Variants in ABCE1 observed in about 807,000 individuals in gnomAD.
ABCE1 encodes the protein ATP-binding cassette sub-family E member 1.
Under a neutral mutation model 83.4 loss-of-function variants are expected in ABCE1, and 22 were observed. The ratio of observed to expected loss-of-function variants is 0.26; its 90% CI spans 0.19 to 0.38. The LOEUF is 0.38. Ranked by LOEUF, ABCE1 falls within the 10% of genes least tolerant of loss-of-function variation. The pLI, the probability that ABCE1 is intolerant of heterozygous loss-of-function variation, is 1.00. For synonymous variants in ABCE1, 204 were observed against 233.7 expected (o/e 0.87, Z 1.16); for missense variants, 330 against 721.9 (o/e 0.46, Z 6.22).
intron 15 of ABCE1, 35 bp downstream of exon 15, chr4:145,123,392 G>A (rs1024031672): frequency 2.5e-6 from 4 of 1,596,876 alleles, no homozygotes; most frequent in Non-Finnish European, 3.4e-6. Flanking sequence ...TTTTGATTAT[G>A]TATACTGTCC....
chr4:145,121,706 T>C, intron 13 of ABCE1: 1 of 220,618 alleles, frequency 4.5e-6, no homozygotes, highest in Non-Finnish European at 9.1e-6. Context: ...ACCCTGTCTC[T>C]ACTAAAACTA....
At chr4:145,116,980 A>C (rs1749624919) in intron 9 of ABCE1, among the ~76,000 whole-genome samples, 1 of 151,956 alleles carries the variant, frequency 6.6e-6, no homozygotes, top group South Asian at 2.1e-4. Flanking sequence ...CATAATAAAC[A>C]GTTTAGGCTA....
rs147777362 is a variant in ABCE1, at chr4:145,117,639, A to G, written c.922+225A>G. On this transcript the variant is annotated intron_variant, in intron 10 of 17. Transcript: ENST00000296577. ...TCTCCTGGGGATGGGTAGAAATGCAATGTTACTTTTGTTGGGGGTTGGGAG... is the reference window on the plus strand; with the variant it reads ...TCTCCTGGGGATGGGTAGAAATGCAGTGTTACTTTTGTTGGGGGTTGGGAG... Among the ~76,000 whole-genome samples the G allele has an allele frequency of 2.4e-3, 362 of 151,792 alleles. 3 individuals carry two copies. Among genetic ancestry groups the G allele is most frequent in the African/African-American group, 7.8e-3 (322 of 41,512 alleles).
At chr4:145,123,732 T>C (rs1749803110) in intron 16 of ABCE1, 132 bp downstream of exon 16, 4 of 908,146 alleles carry the variant, frequency 4.4e-6, no homozygotes, top group African/African-American at 3.4e-5. Context: ...CCTGAGATCA[T>C]TGGTATTGGG....
At chr4:145,124,961 A>G (rs1749839084) in intron 16 of ABCE1, 29 bp from the exon 17 acceptor site, 12 of 1,498,928 alleles carry the variant, frequency 8.0e-6, no homozygotes, top group Non-Finnish European at 1.0e-5. Flanking sequence ...GTAAAATTTA[A>G]TCAAAATTGA....
Position 145,112,386 on chromosome 4 carries a change from CTAAGGAT to C in ABCE1, c.800+62_800+68del. The C allele has an allele frequency of 4.9e-6, 6 of 1,218,624 alleles. No individual in the cohort carries two copies. In the South Asian group the frequency reaches 8.4e-5, roughly 17 times the overall value. The allele number at this position is 1,218,624 out of a possible 1,614,324, so 75.5% of individuals were successfully genotyped here. On this transcript the variant is annotated intron_variant, in intron 9 of 17. Coordinates refer to ENST00000296577, the MANE Select transcript of ABCE1 (RefSeq NM_002940.3). ...TTTGTTTGGAGATTTTTACAGATTT[CTAAGGAT>C]TAAACACTGGGACTGTCAATGTGAT...
rs1749944618 is a variant in ABCE1, at chr4:145,128,168, TG to T, written c.*597del. ...TTTTTAAATTGTTTTTAATCTTTTT[TG>T]GTGCTTTTAAACATGTTTAGCAAAA... is the stretch of plus-strand genomic sequence containing the variant. On this transcript the variant is annotated 3_prime_UTR_variant, in exon 18 of 18. Transcript: ENST00000296577. 6.6e-6 allele frequency: 1 copy of T among 152,642 alleles called. No individual in the cohort carries two copies. Among genetic ancestry groups the T allele is most frequent in the Admixed American group, 6.5e-5 (1 of 15,286 alleles). The allele number at this position is 152,642 out of a possible 1,614,324, so 9.5% of individuals were successfully genotyped here. A position where few individuals can be genotyped will look rare whatever the true frequency, so the allele number is the denominator to read the frequency against.
rs1579201904 is a variant in ABCE1 at position 145,098,366 on chromosome 4, C to G, written c.-81C>G. Reference sequence around the variant, plus strand: ...ACGCTGTGTGGCTGAAAAGTGAAGGCAAGAGCTGATTTGGCCTCTGTGCTC... The same window carrying G: ...ACGCTGTGTGGCTGAAAAGTGAAGGGAAGAGCTGATTTGGCCTCTGTGCTC... On this transcript the variant is annotated 5_prime_UTR_variant, in exon 1 of 18. Transcript: ENST00000296577. The G allele has an allele frequency of 6.6e-6, 1 of 152,492 alleles. No homozygotes were observed. Among genetic ancestry groups the G allele is most frequent in the South Asian group, 2.1e-4 (1 of 4,844 alleles). 9.4% of individuals were successfully genotyped at this position (152,492 alleles called of 1,614,324 possible).
At position 145,127,580 on chromosome 4, in the gene ABCE1, T is replaced by A; in HGVS notation, c.*7T>A. On this transcript the variant is annotated 3_prime_UTR_variant, in exon 18 of 18. Coordinates refer to ENST00000296577, the MANE Select transcript of ABCE1 (RefSeq NM_002940.3). ...CTTTTTCTTGGATGATTAGACTGAC[T>A]CTGAGAATATTGATAAGCCATTTAT... 1 of 1,549,590 alleles carries A rather than the reference T, an allele frequency of 6.5e-7. No homozygotes were observed. The highest frequency in any genetic ancestry group is 8.6e-7 in the Non-Finnish European group (1 of 1,157,174).
intron 4 of ABCE1, among the ~76,000 whole-genome samples, chr4:145,108,738 C>T (rs1047241896): frequency 6.6e-6 from 1 of 152,160 alleles, no homozygotes; most frequent in African/African-American, 2.4e-5. Flanking sequence ...AAGTAAATGG[C>T]AGGCCAGAAA....
chr4:145,119,842 TTAAAGTATA>T, intron 10 of ABCE1, 81 bp from the exon 11 acceptor site: 1 of 871,086 alleles, frequency 1.1e-6, no homozygotes, highest in East Asian at 2.8e-5. Flanking sequence ...CCACAGAAAT[TTAAAGTATA>T]TAGTCTATAG....
intron 9 of ABCE1, 83 bp downstream of exon 9, chr4:145,112,411 A>G: frequency 1.1e-6 from 1 of 915,354 alleles, no homozygotes; most frequent in Admixed American, 3.0e-5. Context: ...TGGGACTGTC[A>G]ATGTGATGTA....
intron 1 of ABCE1, among the ~76,000 whole-genome samples, chr4:145,100,646 A>G (rs543950085): frequency 1.2e-4 from 19 of 152,342 alleles, no homozygotes; most frequent in African/African-American, 4.6e-4. Context: ...TTCCTCTTCT[A>G]ATCTTTACAA....
At chr4:145,119,322 T>A (rs1456858320) in intron 10 of ABCE1, among the ~76,000 whole-genome samples, 1 of 151,922 alleles carries the variant, frequency 6.6e-6, no homozygotes, top group Non-Finnish European at 1.5e-5. Context: ...ATCTTAAAAT[T>A]TTATTACAGA....
At chr4:145,107,416 A>G (rs1337089646) in intron 3 of ABCE1, among the ~76,000 whole-genome samples, 1 of 152,154 alleles carries the variant, frequency 6.6e-6, no homozygotes, top group Non-Finnish European at 1.5e-5. Flanking sequence ...AAGAATATAA[A>G]GCCATATATT....
intron 1 of ABCE1, among the ~76,000 whole-genome samples, chr4:145,102,877 T>C (rs35885021): frequency 6.6e-6 from 1 of 152,248 alleles, no homozygotes; most frequent in Non-Finnish European, 1.5e-5. Flanking sequence ...TGATAAGGTC[T>C]AGGATGTAAC....
chr4:145,121,631 C>T (rs1749746714), intron 13 of ABCE1: 1 of 376,960 alleles, frequency 2.7e-6, no homozygotes, highest in South Asian at 2.9e-5. Flanking sequence ...GCCAACACTT[C>T]GGGAGGCCTA....
chr4:145,098,693 G>T (rs1421168491), intron 1 of ABCE1, among the ~76,000 whole-genome samples: 1 of 152,132 alleles, frequency 6.6e-6, no homozygotes, highest in South Asian at 2.1e-4. Context: ...CCTAGATGCC[G>T]TAGTCTCCAC....
chr4:145,123,356 C>A lies in ABCE1; in HGVS notation c.1516C>A (p.Arg506Ser). Residue 506 changes from arginine (R) to serine (S), a missense_variant and splice_region_variant, in exon 15 of 18, where the codon CGT becomes AGT. Coordinates refer to ENST00000296577, the MANE Select transcript of ABCE1 (RefSeq NM_002940.3). ...QRLMAARVVK[R>S]FILHAKKTAF... Reference sequence around the variant, plus strand: ...ACTGATGGCAGCTCGAGTTGTCAAACGGTAAATATCTTGCTCCTAGCCATA... The same window carrying A: ...ACTGATGGCAGCTCGAGTTGTCAAAAGGTAAATATCTTGCTCCTAGCCATA... 1 of 1,602,308 alleles carries A rather than the reference C, an allele frequency of 6.2e-7. No individual in the cohort carries two copies. Among genetic ancestry groups the A allele is most frequent in the Non-Finnish European group, 8.5e-7 (1 of 1,173,834 alleles).
Sources: allele counts gnomAD v4.1 joint callset (sites outside exome capture counted in the v4.1 genomes callset), GRCh38; gene constraint gnomAD v4.1.1; transcripts MANE v1.5; gene names NCBI Gene and HGNC (gene_info 2026-07-23, HGNC 2026-07-21).